The following SSC4D variants were observed in gnomAD, a reference collection of about 807,000 sequenced individuals.
SSC4D encodes the protein scavenger receptor cysteine-rich domain-containing group B protein.
SSC4D carries 57 observed loss-of-function variants against 63.4 expected under a neutral mutation model. The observed-to-expected ratio is 0.90, with a 90% CI of 0.73 to 1.12. The LOEUF (loss-of-function observed/expected upper bound fraction) is 1.12, where lower values mean the gene tolerates loss of function less well. Ranked by LOEUF, SSC4D falls within the 50% of genes most tolerant of loss-of-function variation. The pLI is 0.00. For missense variants in SSC4D, 791 were observed against 806.4 expected (o/e 0.98, Z 0.23); for synonymous variants, 352 against 345.4 (o/e 1.02, Z -0.21).
intron 6 of SSC4D, 45 bp downstream of exon 6, chr7:76,397,473 C>A: frequency 6.9e-7 from 1 of 1,445,270 alleles, no homozygotes; most frequent in Non-Finnish European, 9.1e-7. Context: ...CCACAGGGCC[C>A]CGCCCACCTG....
In SSC4D at chr7:76,391,992, C is replaced by A; in HGVS notation, c.1383G>T (p.Thr461=). The change falls in exon 10 of 11, where the codon ACG becomes ACT. Residue 461 remains threonine, a synonymous_variant. Transcript: ENST00000275560. ...LQVQQDGSET[T]RVPTPRPRDG... ...CCCTGGGCCGAGGAGTGGGCACCCGCGTGGTCTCAGAACCATCCTGCTGGA... is the reference window on the plus strand; with the variant it reads ...CCCTGGGCCGAGGAGTGGGCACCCGAGTGGTCTCAGAACCATCCTGCTGGA... 1 of 1,594,306 alleles carries A rather than the reference C, an allele frequency of 6.3e-7. No homozygotes were observed. Among genetic ancestry groups the A allele is most frequent in the East Asian group, 2.3e-5 (1 of 44,186 alleles).
At chr7:76,406,488 T>G (rs1380453760) in intron 1 of SSC4D, among the ~76,000 whole-genome samples, 1 of 151,986 alleles carries the variant, frequency 6.6e-6, no homozygotes, top group Non-Finnish European at 1.5e-5. Context: ...AATTTTTTTA[T>G]TTTTTATTTT....
intron 1 of SSC4D, among the ~76,000 whole-genome samples, chr7:76,407,680 C>G (rs1805084551): frequency 6.6e-6 from 1 of 152,082 alleles, no homozygotes; most frequent in South Asian, 2.1e-4. Context: ...CTGCAGTTAG[C>G]CATGATCATG....
At chr7:76,394,450 G>A (rs115024396) in intron 7 of SSC4D, among the ~76,000 whole-genome samples, 4,330 of 147,558 alleles carry the variant, frequency 0.029, 194 homozygotes, top group African/African-American at 0.099. Flanking sequence ...GCTCTGTCTC[G>A]CCCAGACTGT....
chr7:76,402,268 C>A (rs528664897), intron 2 of SSC4D, among the ~76,000 whole-genome samples: 1 of 151,524 alleles, frequency 6.6e-6, no homozygotes, highest in East Asian at 1.9e-4. Flanking sequence ...CAGCCTCTGC[C>A]TCCTGGGTTC....
Position 76,400,356 on chromosome 7 carries a change from G to T in SSC4D, c.405C>A (p.Ser135Arg). ...CGCCCCAGCCGCGGCTGCCGCACTC[G>T]CTCAGCGCAGCTTCCTGCCCGCGGC... ...VECRGQEAAL[S>R]ECGSRGWGVH... The change falls in exon 4 of 11, where the codon AGC becomes AGA. Residue 135 changes from serine (S) to arginine (R), a missense_variant. By Grantham distance (110) the Ser-to-Arg change is moderately radical. Coordinates refer to ENST00000275560, the MANE Select transcript of SSC4D (RefSeq NM_080744.2). 6.4e-7 allele frequency: 1 copy of T among 1,558,854 alleles called. No individual in the cohort carries two copies. Among genetic ancestry groups the T allele is most frequent in the Non-Finnish European group, 8.7e-7 (1 of 1,148,322 alleles).
intron 8 of SSC4D, 24 bp downstream of exon 8, chr7:76,393,806 G>T (rs749655565): frequency 7.1e-7 from 1 of 1,412,112 alleles, no homozygotes; most frequent in Admixed American, 2.6e-5. Flanking sequence ...CCCATCCCCC[G>T]CAGACCCAGG....
Position 76,400,553 on chromosome 7 carries a change from G to T in SSC4D, c.208C>A (p.Arg70Ser). Residue 70 changes from arginine (R) to serine (S), a missense_variant, in exon 4 of 11, where the codon CGC becomes AGC. Arg to Ser is a moderately radical substitution (Grantham distance 110). Coordinates refer to ENST00000275560, the MANE Select transcript of SSC4D (RefSeq NM_080744.2). ...LVGGPSRCRG[R>S]LEVMHGGSWG... is the part of the protein sequence containing the mutation. ...GAGCCACCGTGCATGACTTCCAGGC[G>T]GCCCCGGCAGCGGCTGGGGCCCCCC... 1 of 1,513,204 alleles carries T rather than the reference G, an allele frequency of 6.6e-7. No individual in the cohort carries two copies. Among genetic ancestry groups the T allele is most frequent in the Non-Finnish European group, 8.9e-7 (1 of 1,127,574 alleles). The allele number at this position is 1,513,204 out of a possible 1,614,324, so 93.7% of individuals were successfully genotyped here.
rs1472753898 is a variant in SSC4D at position 76,393,887 on chromosome 7, G to A, written c.964C>T (p.Gln322Ter). ...TDPSATGVGPQPSRETALLTT... is the reference protein window; with the variant it reads ...TDPSATGVGP ...AGCAGTGCTGTCTCCCGGGAAGGCT[G>A]GGGGCCAACTCCTGTAGCTGTGGAG... Residue 322 changes from glutamine (Q) to a stop codon, truncating the protein, a stop_gained, in exon 8 of 11, where the codon CAG becomes TAG. Transcript: ENST00000275560. LOFTEE classifies it high-confidence loss of function. 6.2e-7 allele frequency: 1 copy of A among 1,605,148 alleles called. No individual in the cohort carries two copies.
chr7:76,408,504 G>GC (rs1343229122), intron 1 of SSC4D, among the ~76,000 whole-genome samples: 3 of 152,004 alleles, frequency 2.0e-5, no homozygotes, highest in South Asian at 2.1e-4. Context: ...TGGGATACTG[G>GC]CCCCCCAGGC....
At chr7:76,395,351 G>A (rs752772513) in intron 6 of SSC4D, 21 bp from the exon 7 acceptor site, 3 of 1,612,474 alleles carry the variant, frequency 1.9e-6, no homozygotes, top group Admixed American at 1.7e-5. Context: ...AGAGAAGGGG[G>A]CAGGGTCAGA....
At chr7:76,396,331 C>T (rs1216894262) in intron 6 of SSC4D, among the ~76,000 whole-genome samples, 3 of 152,220 alleles carry the variant, frequency 2.0e-5, no homozygotes, top group Non-Finnish European at 4.4e-5. Context: ...GTTACCTTTC[C>T]ATGGCAACGC....
Position 76,393,516 on chromosome 7 carries a change from GC to G in SSC4D, c.1221del (p.Leu408TrpfsTer13). The G allele has an allele frequency of 2.6e-6, 4 of 1,524,860 alleles. No individual in the cohort carries two copies. The highest frequency in any genetic ancestry group is 2.6e-6 in the Non-Finnish European group (3 of 1,142,992). 94.5% of individuals were successfully genotyped at this position (1,524,860 alleles called of 1,614,324 possible). A position where few individuals can be genotyped will look rare whatever the true frequency, so the allele number is the denominator to read the frequency against. ...GHFGYGRGPV[L>X]LDNVGCAGTE... The stretch of plus-strand genomic sequence containing the variant: ...GTGCCGGCGCAGCCCACGTTGTCCA[GC>G]AGCACGGGGCCGCGGCCGTAGCCGA... On this transcript the variant is annotated frameshift_variant, in exon 9 of 11. Transcript: ENST00000275560. LOFTEE classifies it high-confidence loss of function.
At chr7:76,401,949 A>C (rs1038273846) in intron 2 of SSC4D, among the ~76,000 whole-genome samples, 1 of 152,082 alleles carries the variant, frequency 6.6e-6, no homozygotes, top group Non-Finnish European at 1.5e-5. Flanking sequence ...TAAATGTGTA[A>C]ATTGGCTTTG....
At chr7:76,405,271 TTATATATA>T (rs1171830870) in intron 1 of SSC4D, among the ~76,000 whole-genome samples, 111 of 9,136 alleles carry the variant, frequency 0.012, 3 homozygotes, top group East Asian at 0.047. Flanking sequence ...ACCCAGCTAA[TTATATATA>T]TATATATATA....
chr7:76,397,374 A>G (rs748932936), intron 6 of SSC4D, 144 bp downstream of exon 6: 5 of 1,024,796 alleles, frequency 4.9e-6, no homozygotes, highest in Non-Finnish European at 6.8e-6. Context: ...GTAATTTTGG[A>G]TGCTGCCTGG....
At chr7:76,395,692 C>T (rs1416613499) in intron 6 of SSC4D, among the ~76,000 whole-genome samples, 2 of 149,048 alleles carry the variant, frequency 1.3e-5, no homozygotes, top group Non-Finnish European at 3.0e-5. Flanking sequence ...TCATTATCCT[C>T]CTCTTTTCTT....
At position 76,404,792 on chromosome 7, in the gene SSC4D, G is replaced by A. The variant is rs373016264; in HGVS notation, c.-66-287C>T. Among the ~76,000 whole-genome samples, 25 of 151,982 alleles carry A rather than the reference G, an allele frequency of 1.6e-4. No homozygotes were observed. In the East Asian group the frequency reaches 2.9e-3, roughly 18 times the overall value. On this transcript the variant is annotated intron_variant, in intron 1 of 10. Transcript: ENST00000275560. Reference sequence around the variant, plus strand: ...TACCAAAAAATGCAAAAATTAGGCCGGCTGCGGTGGCTCATGCCTGTAATC... The same window carrying A: ...TACCAAAAAATGCAAAAATTAGGCCAGCTGCGGTGGCTCATGCCTGTAATC...
rs1804690128 is a variant in SSC4D, at chr7:76,397,801, C to T, written c.585G>A (p.Ala195=). Residue 195 remains alanine (A), a synonymous_variant, in exon 6 of 11, where the codon GCG becomes GCA. Transcript: ENST00000275560. The part of the protein sequence containing the change: ...SEGSVRLVGG[A]NLCQGRVEIL... Reference sequence around the variant, plus strand: ...TCTCCACTCGGCCCTGACACAGGTTCGCGCCCCCTACCAGGCGTACGCTGC... The same window carrying T: ...TCTCCACTCGGCCCTGACACAGGTTTGCGCCCCCTACCAGGCGTACGCTGC... The T allele has an allele frequency of 1.3e-6, 2 of 1,599,938 alleles. No homozygotes were observed.
Sources: gnomAD v4.1 joint callset for allele counts (sites outside exome capture counted in the v4.1 genomes callset) on GRCh38, gnomAD v4.1.1 for gene constraint, MANE v1.5 for transcripts, NCBI Gene and HGNC (gene_info 2026-07-23, HGNC 2026-07-21) for gene names.